Variants in MDGA2 observed in about 807,000 individuals in gnomAD.
MDGA2 encodes the protein MAM domain containing glycosylphosphatidylinositol anchor 2.
A neutral mutation model predicts 117.8 loss-of-function variants in MDGA2; 40 were observed. The observed-to-expected ratio is 0.34, with a 90% CI of 0.26 to 0.44. The LOEUF (loss-of-function observed/expected upper bound fraction) is 0.44. MDGA2 is among the 20% of genes least tolerant of loss of function. The pLI, the probability that MDGA2 is intolerant of heterozygous loss-of-function variation, is 1.00. For synonymous variants in MDGA2, 452 were observed against 439.0 expected (o/e 1.03, Z -0.37); for missense variants, 1,123 against 1,250.6 (o/e 0.90, Z 1.54).
chr14:47,080,949 C>A (rs971302163), intron 6 of MDGA2, among the ~76,000 whole-genome samples: 1 of 152,142 alleles, frequency 6.6e-6, no homozygotes, highest in African/African-American at 2.4e-5. Context: ...TCAACTTCTT[C>A]AAATCATCCA....
chr14:47,540,563 T>TATATATATATATATATAC lies in MDGA2; in HGVS notation c.280+133953_280+133954insGTATATATATATATATAT, dbSNP rs370481455. ...GTGTATATATATATATGTATATATA[T>TATATATATATATATATAC]ACACACACACATAGAGAGAGAGACA... is the stretch of plus-strand genomic sequence containing the variant. On this transcript the variant is annotated intron_variant, in intron 1 of 16. Transcript: ENST00000399232. Among the ~76,000 whole-genome samples the TATATATATATATATATAC allele has an allele frequency of 3.5e-3, 397 of 112,288 alleles. 12 individuals are homozygous for TATATATATATATATATAC. Among genetic ancestry groups the TATATATATATATATATAC allele is most frequent in the Non-Finnish European group, 5.4e-3 (287 of 53,064 alleles). The allele number at this position is 112,288 out of a possible 152,430, so 73.7% of individuals were successfully genotyped here. A position where few individuals can be genotyped will look rare whatever the true frequency, so the allele number is the denominator to read the frequency against.
chr14:47,111,979 G>C (rs567318722), intron 5 of MDGA2, among the ~76,000 whole-genome samples: 23 of 152,148 alleles, frequency 1.5e-4, no homozygotes, highest in Non-Finnish European at 3.1e-4. Flanking sequence ...CAAGGATGTA[G>C]ATTGTCTGAC....
chr14:46,845,638 A>C, intron 16 of MDGA2, 128 bp downstream of exon 16: 1 of 572,124 alleles, frequency 1.7e-6, no homozygotes, highest in South Asian at 2.9e-5. Flanking sequence ...AGGGTATTAC[A>C]TATAAGAAAT....
At chr14:47,448,785 T>C (rs528630632) in intron 1 of MDGA2, among the ~76,000 whole-genome samples, 2 of 152,160 alleles carry the variant, frequency 1.3e-5, no homozygotes, top group Non-Finnish European at 2.9e-5. Flanking sequence ...TGGTCAAAAG[T>C]TTCAGTGGTC....
intron 1 of MDGA2, among the ~76,000 whole-genome samples, chr14:47,502,783 C>T (rs1030782776): frequency 6.6e-6 from 1 of 151,996 alleles, no homozygotes; most frequent in Admixed American, 6.6e-5. Context: ...TCAAGCAATC[C>T]TTCTGCCTCA....
At chr14:47,476,464 A>G (rs80159715) in intron 1 of MDGA2, among the ~76,000 whole-genome samples, 5,938 of 152,232 alleles carry the variant, frequency 0.039, 396 homozygotes, top group African/African-American at 0.14. Flanking sequence ...ATATTTGTTA[A>G]TCAAATATCA....
intron 7 of MDGA2, among the ~76,000 whole-genome samples, chr14:47,052,019 C>G (rs1381556651): frequency 4.0e-5 from 6 of 151,752 alleles, no homozygotes; most frequent in Non-Finnish European, 5.9e-5. Context: ...AACTATAAAT[C>G]TGGTGGAAGC....
chr14:47,134,639 C>A (rs999698258), intron 4 of MDGA2, among the ~76,000 whole-genome samples: 1 of 151,578 alleles, frequency 6.6e-6, no homozygotes, highest in Non-Finnish European at 1.5e-5. Flanking sequence ...AGAATTACAA[C>A]TGAAAAAACA....
chr14:47,438,447 C>T (rs139247822), intron 1 of MDGA2, among the ~76,000 whole-genome samples: 6 of 152,282 alleles, frequency 3.9e-5, no homozygotes, highest in African/African-American at 1.2e-4. Flanking sequence ...CACTGGTTTA[C>T]ATACGTGAGA....
At chr14:46,952,731 CAT>C (rs1340677267) in intron 9 of MDGA2, among the ~76,000 whole-genome samples, 4 of 151,772 alleles carry the variant, frequency 2.6e-5, no homozygotes, top group Non-Finnish European at 5.9e-5. Flanking sequence ...AATAAAGTAA[CAT>C]GTGAAGAAAG....
At chr14:47,036,270 CAAAAAAAAAAAA>C (rs11310113) in intron 7 of MDGA2, among the ~76,000 whole-genome samples, 1 of 74,444 alleles carries the variant, frequency 1.3e-5, no homozygotes, top group Non-Finnish European at 2.4e-5. Context: ...ACTCTGTCTC[CAAAAAAAAAAAA>C]AAAAAAAAAA....
intron 2 of MDGA2, among the ~76,000 whole-genome samples, chr14:47,295,077 A>C (rs575462847): frequency 1.3e-5 from 2 of 152,330 alleles, no homozygotes; most frequent in East Asian, 3.9e-4. Context: ...AATGCTTCCT[A>C]GTGTTTTGGA....
rs542810297 is a variant in MDGA2, at chr14:47,146,460, A to G, written c.596-2186T>C. 4.6e-5 allele frequency among the ~76,000 whole-genome samples: 7 copies of G among 152,274 alleles called. No individual in the cohort carries two copies. The South Asian group carries it at 1.2e-3, about 27-fold the overall frequency. On this transcript the variant is annotated intron_variant, in intron 3 of 16. Transcript: ENST00000399232. ...TGCTGTCTGGTTTTATTAAGTTCGGATATTTAGGGATACCAGCATCATTAT... is the reference window on the plus strand; with the variant it reads ...TGCTGTCTGGTTTTATTAAGTTCGGGTATTTAGGGATACCAGCATCATTAT...
At chr14:47,187,511 C>T (rs141786235) in intron 3 of MDGA2, among the ~76,000 whole-genome samples, 258 of 152,116 alleles carry the variant, frequency 1.7e-3, no homozygotes, top group African/African-American at 6.0e-3. Context: ...ATATTTTCTT[C>T]AATTTAATGC....
intron 3 of MDGA2, among the ~76,000 whole-genome samples, chr14:47,187,502 T>C (rs1354249123): frequency 6.6e-6 from 1 of 152,054 alleles, no homozygotes; most frequent in Non-Finnish European, 1.5e-5. Flanking sequence ...GTATTAAACA[T>C]ATTTTCTTCA....
At chr14:47,667,099 C>T (rs1047000834) in intron 1 of MDGA2, among the ~76,000 whole-genome samples, 4 of 152,184 alleles carry the variant, frequency 2.6e-5, no homozygotes, top group African/African-American at 7.2e-5. Flanking sequence ...ACCAAGAACC[C>T]ACCAATTCCG....
At position 47,360,386 on chromosome 14, in the gene MDGA2, T is replaced by TA. The variant is rs1555376186; in HGVS notation, c.281-58837dup. Among the ~76,000 whole-genome samples the TA allele has an allele frequency of 8.8e-5, 11 of 125,600 alleles. No individual in the cohort carries two copies. In the South Asian group the frequency reaches 2.4e-3, roughly 27 times the overall value. The allele number at this position is 125,600 out of a possible 152,430, so 82.4% of individuals were successfully genotyped here. ...ATAAATAAATAAATAAATAAATAAATAAATAAAATAAAATAAAAAATTAAA... is the reference window on the plus strand; with the variant it reads ...ATAAATAAATAAATAAATAAATAAATAAAATAAAATAAAATAAAAAATTAAA... On this transcript the variant is annotated intron_variant, in intron 1 of 16. Transcript: ENST00000399232.
chr14:47,602,228 C>G (rs768146243), intron 1 of MDGA2, among the ~76,000 whole-genome samples: 2 of 152,028 alleles, frequency 1.3e-5, no homozygotes, highest in Non-Finnish European at 2.9e-5. Flanking sequence ...TCGACAGACC[C>G]AGTCACAAAA....
intron 8 of MDGA2, among the ~76,000 whole-genome samples, chr14:47,027,942 T>C (rs1030602566): frequency 6.6e-6 from 1 of 152,102 alleles, no homozygotes; most frequent in Non-Finnish European, 1.5e-5. Context: ...ATAATAATCC[T>C]AGATCTTATT....
Sources: gnomAD v4.1 joint callset for allele counts (sites outside exome capture counted in the v4.1 genomes callset) on GRCh38, gnomAD v4.1.1 for gene constraint, MANE v1.5 for transcripts, NCBI Gene and HGNC (gene_info 2026-07-23, HGNC 2026-07-21) for gene names.